Variants in AOC2 observed in about 807,000 individuals in gnomAD.
AOC2 encodes the protein amine oxidase [copper-containing] 2.
In AOC2, 57 loss-of-function variants were observed where a neutral mutation model predicts 53.8. The ratio of observed to expected loss-of-function variants is 1.06; its 90% CI spans 0.86 to 1.32. AOC2 has a LOEUF of 1.32. Ranked by LOEUF, AOC2 falls within the 40% of genes most tolerant of loss-of-function variation. AOC2 has a pLI of 0.00. For synonymous variants in AOC2, 404 were observed against 399.0 expected, an observed-to-expected ratio of 1.01 and a Z score of -0.15; for missense variants, 1,008 against 957.2, an observed-to-expected ratio of 1.05 and a Z score of -0.70.
Position 42,845,243 on chromosome 17 carries a change from A to G in AOC2, c.617A>G (p.His206Arg), listed in dbSNP as rs770446722. 6.2e-7 allele frequency: 1 copy of G among 1,614,074 alleles called. No homozygotes were observed. Among genetic ancestry groups the G allele is most frequent in the Non-Finnish European group, 8.5e-7 (1 of 1,180,028 alleles). Residue 206 changes from histidine to arginine, a missense_variant, in exon 1 of 4, where the codon CAT becomes CGT. By Grantham distance (29) the His-to-Arg change is conservative. Transcript: ENST00000253799. Reference sequence around the variant, plus strand: ...AATGGCTCTACCCTGGCAGCTGTGCATGCCACCCCTCGGGGCTTGCGCTCA... The same window carrying G: ...AATGGCTCTACCCTGGCAGCTGTGCGTGCCACCCCTCGGGGCTTGCGCTCA... ...NYNGSTLAAVHATPRGLRSGD... is the reference protein window; with the variant it reads ...NYNGSTLAAVRATPRGLRSGD...
rs768268156 is a variant in AOC2 at position 42,850,656 on chromosome 17, A to G, written c.*308A>G. ...GCATTCAAAAGGAAGAGTAGATAGA[A>G]TTTTGTAAAACAGATGTTGTATGTA... is the stretch of plus-strand genomic sequence containing the variant. On this transcript the variant is annotated 3_prime_UTR_variant, in exon 4 of 4. Coordinates refer to ENST00000253799, the MANE Select transcript of AOC2 (RefSeq NM_009590.4). 3.9e-6 allele frequency: 1 copy of G among 254,410 alleles called. No homozygotes were observed. Among genetic ancestry groups the G allele is most frequent in the Non-Finnish European group, 7.4e-6 (1 of 135,312 alleles). The allele number at this position is 254,410 out of a possible 1,614,324, so 15.8% of individuals were successfully genotyped here.
In AOC2 at chr17:42,850,412, T is replaced by TACGGCGAC; in HGVS notation, c.*64_*65insACGGCGAC. The TACGGCGAC allele has an allele frequency of 6.7e-7, 1 of 1,501,700 alleles. No homozygotes were observed. Among genetic ancestry groups the TACGGCGAC allele is most frequent in the South Asian group, 1.3e-5 (1 of 74,616 alleles). 93.0% of individuals were successfully genotyped at this position (1,501,700 alleles called of 1,614,324 possible). On this transcript the variant is annotated 3_prime_UTR_variant, in exon 4 of 4. Coordinates refer to ENST00000253799, the MANE Select transcript of AOC2 (RefSeq NM_009590.4). Reference sequence around the variant, plus strand: ...ACTTTTCCCTGTTTCTACTTTCTATTCTCCGTGTTTTTATCACACCTGCTC... The same window carrying TACGGCGAC: ...ACTTTTCCCTGTTTCTACTTTCTATTACGGCGACCTCCGTGTTTTTATCACACCTGCTC...
In AOC2 at chr17:42,845,848, C is replaced by G. The variant is rs752241612; in HGVS notation, c.1222C>G (p.His408Asp). 6.2e-7 allele frequency: 1 copy of G among 1,614,128 alleles called. No individual in the cohort carries two copies. Among genetic ancestry groups the G allele is most frequent in the Non-Finnish European group, 8.5e-7 (1 of 1,180,024 alleles). The change falls in exon 1 of 4, where the codon CAT (histidine) becomes GAT (aspartate). Residue 408 changes from histidine (H) to aspartate (D), a missense_variant. By Grantham distance (81) the His-to-Asp change is moderately conservative. Coordinates refer to ENST00000253799, the MANE Select transcript of AOC2 (RefSeq NM_009590.4). The stretch of plus-strand genomic sequence containing the variant: ...CTATCAAGCCACGATGGTGGACATC[C>G]ATATATTAGTGGGCAAAGGGGCAGT... Reference protein sequence around the residue: ...CPYQATMVDIHILVGKGAVQL... With the variant: ...CPYQATMVDIDILVGKGAVQL...
rs1372513600 is a variant in AOC2, at chr17:42,845,494, C to T, written c.868C>T (p.Pro290Ser). ...LEVVRVPLPP[P>S]NGASSLRSRN... ...AGTGGTTAGAGTCCCTCTACCTCCA[C>T]CAAATGGAGCTTCATCCCTGAGGTC... Residue 290 changes from proline (P) to serine (S), a missense_variant, in exon 1 of 4, where the codon CCA becomes TCA. Pro to Ser is a moderately conservative substitution (Grantham distance 74). Transcript: ENST00000253799. 14 of 1,614,044 alleles carry T rather than the reference C, an allele frequency of 8.7e-6. No homozygotes were observed. Among genetic ancestry groups the T allele is most frequent in the Non-Finnish European group, 1.2e-5 (14 of 1,180,022 alleles).
At chr17:42,850,016 T>G (rs2055637928) in intron 3 of AOC2, 66 bp from the exon 4 acceptor site, 1 of 1,564,792 alleles carries the variant, frequency 6.4e-7, no homozygotes, top group Admixed American at 1.7e-5. Context: ...AGGCTGGGAT[T>G]GTGACTGAAG....
In AOC2 at chr17:42,850,449, A is replaced by G; in HGVS notation, c.*101A>G. 1 of 1,398,322 alleles carries G rather than the reference A, an allele frequency of 7.2e-7. No individual in the cohort carries two copies. Among genetic ancestry groups the G allele is most frequent in the Non-Finnish European group, 9.5e-7 (1 of 1,052,444 alleles). The allele number at this position is 1,398,322 out of a possible 1,614,324, so 86.6% of individuals were successfully genotyped here. On this transcript the variant is annotated 3_prime_UTR_variant, in exon 4 of 4. Transcript: ENST00000253799. ...TATCACACCTGCTCCCCAGATTCCC[A>G]CCCCCTCAATGTTCCTCTCACACGA...
intron 1 of AOC2, 123 bp from the exon 2 acceptor site, chr17:42,848,963 T>C: frequency 9.3e-7 from 1 of 1,075,636 alleles, no homozygotes; most frequent in Non-Finnish European, 1.3e-6. Context: ...CCCAGCACAG[T>C]GTGCTCTGAT....
In AOC2 at chr17:42,849,172, C is replaced by T; in HGVS notation, c.1675C>T (p.Gln559Ter). The T allele has an allele frequency of 6.2e-7, 1 of 1,614,232 alleles. No individual in the cohort carries two copies. Among genetic ancestry groups the T allele is most frequent in the South Asian group, 1.1e-5 (1 of 91,090 alleles). The change falls in exon 2 of 4, where the codon CAG becomes TAG. Residue 559 changes from glutamine to a stop codon, truncating the protein, a stop_gained. Transcript: ENST00000253799. LOFTEE classifies it high-confidence loss of function. ...WNPEHWLQRP[Q>*]LTRQVLGKED... ...CCCGGAGCACTGGCTACAGCGCCCA[C>T]AGCTGACTCGGCAGGTCCTGGGAAA...
At position 42,848,535 on chromosome 17, in the gene AOC2, A is replaced by G. The variant is rs995525032; in HGVS notation, c.1589-551A>G. 4.1e-4 allele frequency among the ~76,000 whole-genome samples: 56 copies of G among 137,364 alleles called. 1 individual carries two copies. Among genetic ancestry groups the G allele is most frequent in the Non-Finnish European group, 7.2e-4 (48 of 66,840 alleles). The allele number at this position is 137,364 out of a possible 152,430, so 90.1% of individuals were successfully genotyped here. A position where few individuals can be genotyped will look rare whatever the true frequency, so the allele number is the denominator to read the frequency against. On this transcript the variant is annotated intron_variant, in intron 1 of 3. Transcript: ENST00000253799. Reference sequence around the variant, plus strand: ...TGACAGAGGAACTGAATATATATATATATATATATACATATATATATATAT... The same window carrying G: ...TGACAGAGGAACTGAATATATATATGTATATATATACATATATATATATAT...
rs33932864 is a variant in AOC2 at position 42,849,968 on chromosome 17, C to T, written c.2005-114C>T. 4 of 1,435,016 alleles carry T rather than the reference C, an allele frequency of 2.8e-6. No homozygotes were observed. In the African/African-American group the frequency reaches 5.6e-5, roughly 20 times the overall value. The allele number at this position is 1,435,016 out of a possible 1,614,324, so 88.9% of individuals were successfully genotyped here. A position where few individuals can be genotyped will look rare whatever the true frequency, so the allele number is the denominator to read the frequency against. On this transcript the variant is annotated intron_variant, in intron 3 of 3. Coordinates refer to ENST00000253799, the MANE Select transcript of AOC2 (RefSeq NM_009590.4). ...TGGATTGCTCCACGTGTTGTATGGG[C>T]ATGAGGCTGGGGAGAGTGGAAGCCA... is the stretch of plus-strand genomic sequence containing the variant.
chr17:42,849,137 C>T lies in AOC2; in HGVS notation c.1640C>T (p.Ala547Val), dbSNP rs1437185379. 2 of 1,613,858 alleles carry T rather than the reference C, an allele frequency of 1.2e-6. No homozygotes were observed. The highest frequency in any genetic ancestry group is 2.7e-5 in the African/African-American group (2 of 74,892). Residue 547 changes from alanine (A) to valine (V), a missense_variant, in exon 2 of 4, where the codon GCC becomes GTC. Transcript: ENST00000253799. ...GACGTGGTGTTTAAACCTGTGGCTG[C>T]CCCCTGGAACCCGGAGCACTGGCTA... Reference protein sequence around the residue: ...AEDVVFKPVAAPWNPEHWLQR... With the variant: ...AEDVVFKPVAVPWNPEHWLQR...
rs780332116 is a variant in AOC2 at position 42,844,701 on chromosome 17, G to T, written c.75G>T (p.Leu25=). 6.2e-7 allele frequency: 1 copy of T among 1,614,170 alleles called. No individual in the cohort carries two copies. The highest frequency in any genetic ancestry group is 8.5e-7 in the Non-Finnish European group (1 of 1,180,016). ...TCTTTGCCCTGGCCTATGTTTTGCT[G>T]ACCAGCCCAGGTGGTTCCAGCCAGC... ...ITIFALAYVL[L]TSPGGSSQPP... The change falls in exon 1 of 4, where the codon CTG becomes CTT. Residue 25 remains leucine (L), a synonymous_variant. Transcript: ENST00000253799.
chr17:42,846,288 C>T (rs1231911833), intron 1 of AOC2, 74 bp downstream of exon 1: 14 of 1,449,724 alleles, frequency 9.7e-6, no homozygotes, highest in Non-Finnish European at 1.2e-5. Context: ...AAGGGAATCT[C>T]CCAGGTCAAG....
rs376064787 is a variant in AOC2, at chr17:42,844,847, G to A, written c.221G>A (p.Arg74Gln). Residue 74 changes from arginine to glutamine, a missense_variant, in exon 1 of 4, where the codon CGG (arginine) becomes CAG (glutamine). Coordinates refer to ENST00000253799, the MANE Select transcript of AOC2 (RefSeq NM_009590.4). ...GCTGTGATGCGCTTTCTGACCCAGCGGCTGGGGCCAGGGCTGGTGGACGCA... is the reference window on the plus strand; with the variant it reads ...GCTGTGATGCGCTTTCTGACCCAGCAGCTGGGGCCAGGGCTGGTGGACGCA... ...LTAVMRFLTQ[R>Q]LGPGLVDAAQ... 8.1e-6 allele frequency: 13 copies of A among 1,612,404 alleles called. No individual in the cohort carries two copies. Among genetic ancestry groups the A allele is most frequent in the African/African-American group, 4.0e-5 (3 of 74,878 alleles).
At chr17:42,848,531 A>T (rs2055616517) in intron 1 of AOC2, among the ~76,000 whole-genome samples, 1 of 139,446 alleles carries the variant, frequency 7.2e-6, no homozygotes, top group South Asian at 2.2e-4. Context: ...CTGAATATAT[A>T]TATATATATA....
Position 42,845,700 on chromosome 17 carries a change from T to C in AOC2, c.1074T>C (p.Ser358=), listed in dbSNP as rs1480250663. Residue 358 remains serine (S), a synonymous_variant, in exon 1 of 4, where the codon AGT becomes AGC. Transcript: ENST00000253799. ...GTGAGCGAATAGCCTATGAAGTCAG[T>C]GTCCAGGAGTGTGTATCTATCTATG... The part of the protein sequence containing the change: ...FQGERIAYEV[S]VQECVSIYGA... The C allele has an allele frequency of 6.2e-7, 1 of 1,614,174 alleles. No individual in the cohort carries two copies. Among genetic ancestry groups the C allele is most frequent in the Non-Finnish European group, 8.5e-7 (1 of 1,180,026 alleles).
chr17:42,849,929 C>T (rs538343522), intron 3 of AOC2, among the ~76,000 whole-genome samples, 153 bp from the exon 4 acceptor site: 4 of 152,324 alleles, frequency 2.6e-5, no homozygotes, highest in Admixed American at 2.0e-4. Flanking sequence ...CCTCTCCCCG[C>T]ACAGCTGCTT....
chr17:42,848,360 T>A (rs2055614410), intron 1 of AOC2, among the ~76,000 whole-genome samples: 1 of 151,392 alleles, frequency 6.6e-6, no homozygotes, highest in Non-Finnish European at 1.5e-5. Context: ...AGAAAGTGAA[T>A]CAGAGAAGCA....
rs1374950039 is a variant in AOC2, at chr17:42,850,185, C to A, written c.2108C>A (p.Pro703His). The change falls in exon 4 of 4, where the codon CCC becomes CAC. Residue 703 changes from proline to histidine, a missense_variant. By Grantham distance (77) the Pro-to-His change is moderately conservative. Transcript: ENST00000253799. ...LGNRVGFLLRPYNFFDEDPSI... is the reference protein window; with the variant it reads ...LGNRVGFLLRHYNFFDEDPSI... The stretch of plus-strand genomic sequence containing the variant: ...AACAGAGTTGGCTTCTTGCTCCGAC[C>A]CTATAACTTCTTTGATGAGGACCCC... 2 of 1,614,174 alleles carry A rather than the reference C, an allele frequency of 1.2e-6. No individual in the cohort carries two copies. Among genetic ancestry groups the A allele is most frequent in the Non-Finnish European group, 1.7e-6 (2 of 1,180,042 alleles).
Sources: allele counts gnomAD v4.1 joint callset (sites outside exome capture counted in the v4.1 genomes callset), GRCh38; gene constraint gnomAD v4.1.1; transcripts MANE v1.5; gene names NCBI Gene and HGNC (gene_info 2026-07-23, HGNC 2026-07-21).